ELAVL2: variants seen among roughly 807,000 people sequenced by gnomAD.
ELAVL2 encodes the protein ELAV like RNA binding protein 2.
A neutral mutation model predicts 34.6 loss-of-function variants in ELAVL2; 4 were observed. The observed-to-expected ratio is 0.12, with a 90% CI of 0.06 to 0.26. The LOEUF (loss-of-function observed/expected upper bound fraction) is 0.26, where lower values mean the gene tolerates loss of function less well. ELAVL2 is among the 10% of genes least tolerant of loss of function. The pLI is 1.00. For missense variants in ELAVL2, 432 were observed against 442.8 expected (o/e 0.98, Z 0.22); for synonymous variants, 193 against 154.8 (o/e 1.25, Z -1.83).
chr9:23,830,891 G>A (rs540844624), upstream of ELAVL2, among the ~76,000 whole-genome samples: 4 of 151,950 alleles, frequency 2.6e-5, no homozygotes, highest in Non-Finnish European at 2.9e-5. Context: ...GCGACTAGGC[G>A]AGGGTGAAGG....
intron 1 of ELAVL2, among the ~76,000 whole-genome samples, chr9:23,769,872 G>GT (rs2056987505): frequency 6.6e-6 from 1 of 152,182 alleles, no homozygotes; most frequent in African/African-American, 2.4e-5. Context: ...AGGTTTTGTA[G>GT]TTTCAGAGCT....
At chr9:23,802,856 TTCC>T in intron 1 of ELAVL2, among the ~76,000 whole-genome samples, 1 of 151,870 alleles carries the variant, frequency 6.6e-6, no homozygotes, top group African/African-American at 2.4e-5. Flanking sequence ...AATATACATA[TTCC>T]TCACTTTAAA....
chr9:23,710,398 T>C (rs539046142), intron 3 of ELAVL2, among the ~76,000 whole-genome samples: 1 of 152,326 alleles, frequency 6.6e-6, no homozygotes, highest in Non-Finnish European at 1.5e-5. Flanking sequence ...AATGCTTTCG[T>C]CCAAACACAC....
chr9:23,691,408 GTGCAACGTCTTTTTTCCTTA>G lies in ELAVL2; in HGVS notation c.*1129_*1148del, dbSNP rs1248755004. 6.6e-6 allele frequency: 1 copy of G among 152,522 alleles called. No individual in the cohort carries two copies. The highest frequency in any genetic ancestry group is 1.5e-5 in the Non-Finnish European group (1 of 67,988). 9.4% of individuals were successfully genotyped at this position (152,522 alleles called of 1,614,324 possible). ...GCTGATTTGCTGCAGTACAAATCATGTGCAACGTCTTTTTTCCTTAAGACAAAACAATTCTTCAAACAATA... is the reference window on the plus strand; with the variant it reads ...GCTGATTTGCTGCAGTACAAATCATGAGACAAAACAATTCTTCAAACAATA... On this transcript the variant is annotated 3_prime_UTR_variant, in exon 7 of 7. Coordinates refer to ENST00000397312, the MANE Select transcript of ELAVL2 (RefSeq NM_004432.5).
chr9:23,838,772 T>G, the ELAVL2 span, among the ~76,000 whole-genome samples: 1 of 152,128 alleles, frequency 6.6e-6, no homozygotes, highest in African/African-American at 2.4e-5. Context: ...AGCAAAACCC[T>G]TAAAGTGATT....
At chr9:23,699,812 GTTTTTTTTTTTTTTTT>G (rs199637833) in intron 5 of ELAVL2, among the ~76,000 whole-genome samples, 15,647 of 82,270 alleles carry the variant, frequency 0.19, 1,541 homozygotes, top group South Asian at 0.36. Flanking sequence ...GGTGGCAAAG[GTTTTTTTTTTTTTTTT>G]TTTTTTTTTT....
chr9:23,717,498 C>CT (rs2042614955), intron 3 of ELAVL2, among the ~76,000 whole-genome samples: 1 of 152,182 alleles, frequency 6.6e-6, no homozygotes, highest in South Asian at 2.1e-4. Flanking sequence ...AATAAGTATA[C>CT]TTTATGGTGT....
chr9:23,701,117 T>C (rs575878553), intron 5 of ELAVL2, among the ~76,000 whole-genome samples: 7 of 152,174 alleles, frequency 4.6e-5, no homozygotes, highest in Non-Finnish European at 1.0e-4. Flanking sequence ...TGCCAAATGT[T>C]CCCTGGGAGG....
intron 1 of ELAVL2, among the ~76,000 whole-genome samples, chr9:23,783,026 T>C (rs938390825): frequency 6.6e-6 from 1 of 152,192 alleles, no homozygotes; most frequent in Non-Finnish European, 1.5e-5. Flanking sequence ...TATCCCAAGA[T>C]ACTAACTGGT....
the ELAVL2 span, among the ~76,000 whole-genome samples, chr9:23,849,217 T>G: frequency 6.6e-6 from 1 of 152,164 alleles, no homozygotes; most frequent in African/African-American, 2.4e-5. Flanking sequence ...GAAGGACTCT[T>G]AAATGAATGA....
intron 3 of ELAVL2, among the ~76,000 whole-genome samples, chr9:23,713,125 T>C (rs1482294712): frequency 6.6e-6 from 1 of 152,204 alleles, no homozygotes; most frequent in Admixed American, 6.5e-5. Context: ...GTACAACTGG[T>C]ACATAACTTC....
intron 1 of ELAVL2, among the ~76,000 whole-genome samples, chr9:23,813,263 T>C (rs2063256027): frequency 2.6e-5 from 4 of 152,268 alleles, no homozygotes; most frequent in Admixed American, 2.0e-4. Context: ...ATCAGTCTGC[T>C]CTACGGCACA....
intron 1 of ELAVL2, among the ~76,000 whole-genome samples, chr9:23,817,845 C>A (rs2063934470): frequency 6.6e-6 from 1 of 152,108 alleles, no homozygotes; most frequent in Non-Finnish European, 1.5e-5. Context: ...AATTCAGACT[C>A]CAAAAGTTAT....
chr9:23,792,794 A>C (rs1354350782), intron 1 of ELAVL2, among the ~76,000 whole-genome samples: 1 of 151,608 alleles, frequency 6.6e-6, no homozygotes. Context: ...TTTTAGACAC[A>C]AGTTCTTACT....
rs199637833 is a variant in ELAVL2 at position 23,699,812 on chromosome 9, GTTTTTTTTTTTTTT to G, written c.713+1553_713+1566del. Among the ~76,000 whole-genome samples, 32 of 82,978 alleles carry G rather than the reference GTTTTTTTTTTTTTT, an allele frequency of 3.9e-4. 1 individual carries two copies. Among genetic ancestry groups the G allele is most frequent in the South Asian group, 1.5e-3 (3 of 2,036 alleles). 54.4% of individuals were successfully genotyped at this position (82,978 alleles called of 152,430 possible). ...CCATGGGAAGTCAAAGGTGGCAAAG[GTTTTTTTTTTTTTT>G]TTTTTTTTTTTTTTTTTTTTTTTTT... is the stretch of plus-strand genomic sequence containing the variant. On this transcript the variant is annotated intron_variant, in intron 5 of 6. Coordinates refer to ENST00000397312, the MANE Select transcript of ELAVL2 (RefSeq NM_004432.5).
chr9:23,722,575 T>C (rs1477451512), intron 3 of ELAVL2, among the ~76,000 whole-genome samples: 1 of 152,164 alleles, frequency 6.6e-6, no homozygotes, highest in Non-Finnish European at 1.5e-5. Context: ...AAGGCCCAAA[T>C]TAAGGCCTCT....
At chr9:23,829,195 C>T (rs2065423231), upstream of ELAVL2, among the ~76,000 whole-genome samples, 1 of 152,160 alleles carries the variant, frequency 6.6e-6, no homozygotes. Context: ...TGACTGCGAA[C>T]TTGGAGCAAA....
chr9:23,700,462 T>C (rs954989461), intron 5 of ELAVL2, among the ~76,000 whole-genome samples: 12 of 152,186 alleles, frequency 7.9e-5, no homozygotes, highest in African/African-American at 2.9e-4. Flanking sequence ...TTAGCATATG[T>C]ACACCTGTCA....
chr9:23,715,983 T>C (rs10966039), intron 3 of ELAVL2, among the ~76,000 whole-genome samples: 34,883 of 152,000 alleles, frequency 0.23, 4,126 homozygotes, highest in Non-Finnish European at 0.24. Flanking sequence ...GAGAAGTACA[T>C]GAAAAGGAGA....
Sources: allele counts gnomAD v4.1 joint callset (sites outside exome capture counted in the v4.1 genomes callset), GRCh38; gene constraint gnomAD v4.1.1; transcripts MANE v1.5; gene names NCBI Gene and HGNC (gene_info 2026-07-23, HGNC 2026-07-21).